Variants in SOCS1 observed in about 807,000 individuals in gnomAD.
The protein encoded by SOCS1 is JAK binding protein.
A neutral mutation model predicts 9.7 loss-of-function variants in SOCS1; 3 were observed. That is an observed-to-expected ratio of 0.31 (90% CI 0.14 to 0.80). The LOEUF is 0.80. SOCS1 is among the 30% of genes least tolerant of loss of function. The pLI, the probability that SOCS1 is intolerant of heterozygous loss-of-function variation, is 0.61. For missense variants in SOCS1, 368 were observed against 324.7 expected (o/e 1.13, Z -1.02); for synonymous variants, 194 against 150.2 (o/e 1.29, Z -2.13).
At chr16:11,255,678 A>G (rs2069592048) in intron 1 of SOCS1, 150 bp from the exon 2 acceptor site, 2 of 380,980 alleles carry the variant, frequency 5.2e-6, no homozygotes, top group Non-Finnish European at 4.6e-6. Context: ...GTTCAGCCTC[A>G]GTGGACACAG....
At position 11,254,926 on chromosome 16, in the gene SOCS1, T is replaced by A. The variant is rs1597691093; in HGVS notation, c.553A>T (p.Thr185Ser). The A allele has an allele frequency of 6.7e-7, 1 of 1,484,002 alleles. No individual in the cohort carries two copies. The highest frequency in any genetic ancestry group is 1.8e-4 in the Middle Eastern group (1 of 5,548). The allele number at this position is 1,484,002 out of a possible 1,614,324, so 91.9% of individuals were successfully genotyped here. Residue 185 changes from threonine to serine, a missense_variant, in exon 2 of 2, where the codon ACC becomes TCC. Thr to Ser is a moderately conservative substitution (Grantham distance 58). Coordinates refer to ENST00000332029, the MANE Select transcript of SOCS1 (RefSeq NM_003745.2). ...CGAGCCAGGTTCTCGCGGCCCACGGTGGCCACGATGCGCTGGCGGCACAGC... is the reference window on the plus strand; with the variant it reads ...CGAGCCAGGTTCTCGCGGCCCACGGAGGCCACGATGCGCTGGCGGCACAGC... ...QELCRQRIVA[T>S]VGRENLARIP...
chr16:11,255,088 G>T lies in SOCS1; in HGVS notation c.391C>A (p.Gln131Lys), dbSNP rs1402258521. Reference sequence around the variant, plus strand: ...CCATCCAGGTGAAAGCGGCCGGCCTGAAAGTGCACGCGGATGCTCGTGGGT... The same window carrying T: ...CCATCCAGGTGAAAGCGGCCGGCCTTAAAGTGCACGCGGATGCTCGTGGGT... ...SGPTSIRVHF[Q>K]AGRFHLDGSR... The change falls in exon 2 of 2, where the codon CAG becomes AAG. Residue 131 changes from glutamine to lysine, a missense_variant. Transcript: ENST00000332029. 3.1e-6 allele frequency: 5 copies of T among 1,610,308 alleles called. No homozygotes were observed. The highest frequency in any genetic ancestry group is 4.2e-6 in the Non-Finnish European group (5 of 1,178,974).
rs958461470 is a variant in SOCS1, at chr16:11,254,686, G to A, written c.*157C>T. 4 of 1,082,404 alleles carry A rather than the reference G, an allele frequency of 3.7e-6. No individual in the cohort carries two copies. Among genetic ancestry groups the A allele is most frequent in the Admixed American group, 8.4e-5 (2 of 23,878 alleles). The allele number at this position is 1,082,404 out of a possible 1,614,324, so 67.0% of individuals were successfully genotyped here. On this transcript the variant is annotated 3_prime_UTR_variant, in exon 2 of 2. Transcript: ENST00000332029. The stretch of plus-strand genomic sequence containing the variant: ...CCTCAAGAGGTGAGAAGGGGTCTGC[G>A]GCCTCGTCTCCAGCCGAGGGCGGGA...
Position 11,254,514 on chromosome 16 carries a change from C to T in SOCS1, c.*329G>A. ...GCAGAAAAATAAAGCCAGAGACCCT[C>T]CCCCAACCCCTGGTTTGTGCAAAGA... On this transcript the variant is annotated 3_prime_UTR_variant, in exon 2 of 2. Transcript: ENST00000332029. 3.4e-6 allele frequency: 1 copy of T among 290,786 alleles called. No individual in the cohort carries two copies. The highest frequency in any genetic ancestry group is 6.4e-6 in the Non-Finnish European group (1 of 156,778). The allele number at this position is 290,786 out of a possible 1,614,324, so 18.0% of individuals were successfully genotyped here.
rs755668210 is a variant in SOCS1, at chr16:11,255,264, G to A, written c.215C>T (p.Ala72Val). 4.5e-6 allele frequency: 7 copies of A among 1,543,802 alleles called. No homozygotes were observed. In the South Asian group the frequency reaches 5.9e-5, roughly 13 times the overall value. ...GTAGAATCCGCAGGCGTCCAGGAGC[G>A]CGCTGGCGCGCGTGATGCGCCGGTA... is the stretch of plus-strand genomic sequence containing the variant. ...ADYRRITRAS[A>V]LLDACGFYWG... Residue 72 changes from alanine (A) to valine (V), a missense_variant, in exon 2 of 2, where the codon GCG becomes GTG. Transcript: ENST00000332029.
Position 11,255,394 on chromosome 16 carries a change from A to C in SOCS1, c.85T>G (p.Ser29Ala). The C allele has an allele frequency of 7.5e-6, 10 of 1,336,788 alleles. No individual in the cohort carries two copies. The highest frequency in any genetic ancestry group is 8.6e-6 in the Non-Finnish European group (9 of 1,050,476). The allele number at this position is 1,336,788 out of a possible 1,614,324, so 82.8% of individuals were successfully genotyped here. A position where few individuals can be genotyped will look rare whatever the true frequency, so the allele number is the denominator to read the frequency against. Residue 29 changes from serine (S) to alanine (A), a missense_variant, in exon 2 of 2, where the codon TCC becomes GCC. Physicochemically the swap from Ser to Ala is moderately conservative, Grantham distance 99. Coordinates refer to ENST00000332029, the MANE Select transcript of SOCS1 (RefSeq NM_003745.2). ...PRRRPEPSSS[S>A]SSSPAAPARP... ...GCGGGGGCCGCGGGCGAGGAGGAGGAAGAGGAGGAAGGTTCTGGCCGCCGT... is the reference window on the plus strand; with the variant it reads ...GCGGGGGCCGCGGGCGAGGAGGAGGCAGAGGAGGAAGGTTCTGGCCGCCGT...
chr16:11,254,715 G>A lies in SOCS1; in HGVS notation c.*128C>T. 7.8e-7 allele frequency: 1 copy of A among 1,277,718 alleles called. No individual in the cohort carries two copies. The highest frequency in any genetic ancestry group is 1.0e-6 in the Non-Finnish European group (1 of 999,168). The allele number at this position is 1,277,718 out of a possible 1,614,324, so 79.1% of individuals were successfully genotyped here. ...TCGTCTCCAGCCGAGGGCGGGAGGC[G>A]CCTCGCCCCTACACCCATCCGCTCC... On this transcript the variant is annotated 3_prime_UTR_variant, in exon 2 of 2. Transcript: ENST00000332029.
chr16:11,255,010 C>A lies in SOCS1; in HGVS notation c.469G>T (p.Ala157Ser), dbSNP rs755312920. 1.3e-6 allele frequency: 2 copies of A among 1,581,396 alleles called. No homozygotes were observed. Among genetic ancestry groups the A allele is most frequent in the Non-Finnish European group, 1.7e-6 (2 of 1,167,266 alleles). Residue 157 changes from alanine to serine, a missense_variant, in exon 2 of 2, where the codon GCG (alanine) becomes TCG (serine). Coordinates refer to ENST00000332029, the MANE Select transcript of SOCS1 (RefSeq NM_003745.2). Reference protein sequence around the residue: ...LFELLEHYVAAPRRMLGAPLR... With the variant: ...LFELLEHYVASPRRMLGAPLR... ...GGGGCCCCCAGCATGCGGCGCGGCGCCGCCACGTAGTGCTCCAGCAGCTCG... is the reference window on the plus strand; with the variant it reads ...GGGGCCCCCAGCATGCGGCGCGGCGACGCCACGTAGTGCTCCAGCAGCTCG...
At position 11,255,439 on chromosome 16, in the gene SOCS1, A is replaced by G. The variant is rs778594186; in HGVS notation, c.40T>C (p.Ser14Pro). The change falls in exon 2 of 2, where the codon TCC (serine) becomes CCC (proline). Residue 14 changes from serine to proline, a missense_variant. Ser to Pro is a moderately conservative substitution (Grantham distance 74, BLOSUM62 -1). Coordinates refer to ENST00000332029, the MANE Select transcript of SOCS1 (RefSeq NM_003745.2). ...HNQVAADNAV[S>P]TAAEPRRRPE... ...CGCCGTCGGGGCTCTGCTGCTGTGG[A>G]GACTGCATTGTCGGCTGCCACCTGG... is the stretch of plus-strand genomic sequence containing the variant. 1 of 1,313,912 alleles carries G rather than the reference A, an allele frequency of 7.6e-7. No individual in the cohort carries two copies. The highest frequency in any genetic ancestry group is 9.7e-7 in the Non-Finnish European group (1 of 1,035,604). 81.4% of individuals were successfully genotyped at this position (1,313,912 alleles called of 1,614,324 possible).
Position 11,254,871 on chromosome 16 carries a change from T to G in SOCS1, c.608A>C (p.Tyr203Ser). 6.7e-7 allele frequency: 1 copy of G among 1,490,836 alleles called. No individual in the cohort carries two copies. Among genetic ancestry groups the G allele is most frequent in the Non-Finnish European group, 8.9e-7 (1 of 1,129,898 alleles). 92.4% of individuals were successfully genotyped at this position (1,490,836 alleles called of 1,614,324 possible). Reference sequence around the variant, plus strand: ...AATCTGGAAGGGGAAGGAGCTCAGGTAGTCGCGGAGGACGGGGTTGAGGGG... The same window carrying G: ...AATCTGGAAGGGGAAGGAGCTCAGGGAGTCGCGGAGGACGGGGTTGAGGGG... ...RIPLNPVLRD[Y>S]LSSFPFQI Residue 203 changes from tyrosine to serine, a missense_variant, in exon 2 of 2, where the codon TAC (tyrosine) becomes TCC (serine). Physicochemically the swap from Tyr to Ser is moderately radical, Grantham distance 144. Transcript: ENST00000332029.
chr16:11,255,392 G>A lies in SOCS1; in HGVS notation c.87C>T (p.Ser29=), dbSNP rs2141125389. ...GCGCGGGGGCCGCGGGCGAGGAGGAGGAAGAGGAGGAAGGTTCTGGCCGCC... is the reference window on the plus strand; with the variant it reads ...GCGCGGGGGCCGCGGGCGAGGAGGAAGAAGAGGAGGAAGGTTCTGGCCGCC... The part of the protein sequence containing the change: ...PRRRPEPSSS[S]SSSPAAPARP... The change falls in exon 2 of 2, where the codon TCC becomes TCT. Residue 29 remains serine (S), a synonymous_variant. Coordinates refer to ENST00000332029, the MANE Select transcript of SOCS1 (RefSeq NM_003745.2). 7.5e-7 allele frequency: 1 copy of A among 1,337,564 alleles called. No individual in the cohort carries two copies. The highest frequency in any genetic ancestry group is 9.5e-7 in the Non-Finnish European group (1 of 1,050,842). 82.9% of individuals were successfully genotyped at this position (1,337,564 alleles called of 1,614,324 possible).
chr16:11,254,861 G>A lies in SOCS1; in HGVS notation c.618C>T (p.Ser206=), dbSNP rs748006092. ...LNPVLRDYLS[S]FPFQI is the part of the protein sequence containing the mutation. ...CTGCCGGTCAAATCTGGAAGGGGAAGGAGCTCAGGTAGTCGCGGAGGACGG... is the reference window on the plus strand; with the variant it reads ...CTGCCGGTCAAATCTGGAAGGGGAAAGAGCTCAGGTAGTCGCGGAGGACGG... The change falls in exon 2 of 2, where the codon TCC becomes TCT. Residue 206 remains serine, a synonymous_variant. Coordinates refer to ENST00000332029, the MANE Select transcript of SOCS1 (RefSeq NM_003745.2). The A allele has an allele frequency of 2.0e-6, 3 of 1,486,938 alleles. No individual in the cohort carries two copies. Among genetic ancestry groups the A allele is most frequent in the East Asian group, 2.6e-5 (1 of 37,876 alleles). The allele number at this position is 1,486,938 out of a possible 1,614,324, so 92.1% of individuals were successfully genotyped here.
chr16:11,255,050 G>T lies in SOCS1; in HGVS notation c.429C>A (p.Ser143Arg). The change falls in exon 2 of 2, where the codon AGC becomes AGA. Residue 143 changes from serine to arginine, a missense_variant. Transcript: ENST00000332029. ...CCAGCAGCTCGAAGAGGCAGTCGAAGCTCTCGCGGCTGCCATCCAGGTGAA... is the reference window on the plus strand; with the variant it reads ...CCAGCAGCTCGAAGAGGCAGTCGAATCTCTCGCGGCTGCCATCCAGGTGAA... ...GRFHLDGSRE[S>R]FDCLFELLEH... 1 of 1,607,864 alleles carries T rather than the reference G, an allele frequency of 6.2e-7. No individual in the cohort carries two copies. The highest frequency in any genetic ancestry group is 8.5e-7 in the Non-Finnish European group (1 of 1,178,004).
Position 11,255,357 on chromosome 16 carries a change from G to C in SOCS1, c.122C>G (p.Pro41Arg). 1 of 1,351,362 alleles carries C rather than the reference G, an allele frequency of 7.4e-7. No individual in the cohort carries two copies. The highest frequency in any genetic ancestry group is 9.4e-7 in the Non-Finnish European group (1 of 1,058,490). The allele number at this position is 1,351,362 out of a possible 1,614,324, so 83.7% of individuals were successfully genotyped here. Reference sequence around the variant, plus strand: ...GGCCGGGGCCGGGACCGCGGGGCACGGCCGCGGGCGCGCGGGGGCCGCGGG... The same window carrying C: ...GGCCGGGGCCGGGACCGCGGGGCACCGCCGCGGGCGCGCGGGGGCCGCGGG... Reference protein sequence around the residue: ...SSPAAPARPRPCPAVPAPAPG... With the variant: ...SSPAAPARPRRCPAVPAPAPG... Residue 41 changes from proline (P) to arginine (R), a missense_variant, in exon 2 of 2, where the codon CCG (proline) becomes CGG (arginine). Pro to Arg is a moderately radical substitution (Grantham distance 103). Transcript: ENST00000332029.
In SOCS1 at chr16:11,254,761, G is replaced by A. The variant is rs1487884183; in HGVS notation, c.*82C>T. 6.5e-6 allele frequency: 9 copies of A among 1,389,688 alleles called. No individual in the cohort carries two copies. In the African/African-American group the frequency reaches 7.6e-5, roughly 12 times the overall value. The allele number at this position is 1,389,688 out of a possible 1,614,324, so 86.1% of individuals were successfully genotyped here. The stretch of plus-strand genomic sequence containing the variant: ...GCTCCCTCCAACCCAGGCCGGGGAG[G>A]GTACCCACATGGTTCCAGGCAAGTA... On this transcript the variant is annotated 3_prime_UTR_variant, in exon 2 of 2. Transcript: ENST00000332029.
rs977299722 is a variant in SOCS1, at chr16:11,254,703, A to C, written c.*140T>G. ...GGGTCTGCGGCCTCGTCTCCAGCCG[A>C]GGGCGGGAGGCGCCTCGCCCCTACA... On this transcript the variant is annotated 3_prime_UTR_variant, in exon 2 of 2. Coordinates refer to ENST00000332029, the MANE Select transcript of SOCS1 (RefSeq NM_003745.2). The C allele has an allele frequency of 6.2e-5, 76 of 1,217,352 alleles. No individual in the cohort carries two copies. Among genetic ancestry groups the C allele is most frequent in the Non-Finnish European group, 7.6e-5 (72 of 946,494 alleles). 75.4% of individuals were successfully genotyped at this position (1,217,352 alleles called of 1,614,324 possible).
At position 11,255,385 on chromosome 16, in the gene SOCS1, A is replaced by C; in HGVS notation, c.94T>G (p.Ser32Ala). The C allele has an allele frequency of 7.5e-7, 1 of 1,336,356 alleles. No homozygotes were observed. The highest frequency in any genetic ancestry group is 9.5e-7 in the Non-Finnish European group (1 of 1,050,096). The allele number at this position is 1,336,356 out of a possible 1,614,324, so 82.8% of individuals were successfully genotyped here. The stretch of plus-strand genomic sequence containing the variant: ...CGCGGGCGCGCGGGGGCCGCGGGCG[A>C]GGAGGAGGAAGAGGAGGAAGGTTCT... ...RPEPSSSSSS[S>A]PAAPARPRPC... Residue 32 changes from serine (S) to alanine (A), a missense_variant, in exon 2 of 2, where the codon TCG becomes GCG. Physicochemically the swap from Ser to Ala is moderately conservative, Grantham distance 99. Coordinates refer to ENST00000332029, the MANE Select transcript of SOCS1 (RefSeq NM_003745.2).
Position 11,255,257 on chromosome 16 carries a change from C to T in SOCS1, c.222G>A (p.Leu74=), listed in dbSNP as rs1427916841. The change falls in exon 2 of 2, where the codon CTG becomes CTA. Residue 74 remains leucine, a synonymous_variant. Transcript: ENST00000332029. The part of the protein sequence containing the change: ...YRRITRASAL[L]DACGFYWGPL... ...GCCCCCAGTAGAATCCGCAGGCGTC[C>T]AGGAGCGCGCTGGCGCGCGTGATGC... The T allele has an allele frequency of 3.2e-6, 5 of 1,550,810 alleles. No individual in the cohort carries two copies. The highest frequency in any genetic ancestry group is 1.4e-5 in the African/African-American group (1 of 71,610).
Position 11,255,335 on chromosome 16 carries a change from C to G in SOCS1, c.144G>C (p.Pro48=). The G allele has an allele frequency of 6.9e-7, 1 of 1,456,142 alleles. No individual in the cohort carries two copies. The highest frequency in any genetic ancestry group is 1.5e-5 in the African/African-American group (1 of 67,444). 90.2% of individuals were successfully genotyped at this position (1,456,142 alleles called of 1,614,324 possible). The change falls in exon 2 of 2, where the codon CCG becomes CCC. Residue 48 remains proline (P), a synonymous_variant. Transcript: ENST00000332029. ...RPRPCPAVPA[P]APGDTHFRTF... ...TGCGGAAGTGCGTGTCGCCGGGGGC[C>G]GGGGCCGGGACCGCGGGGCACGGCC...
Sources: allele counts gnomAD v4.1 joint callset, GRCh38; gene constraint gnomAD v4.1.1; transcripts MANE v1.5; gene names NCBI Gene and HGNC (gene_info 2026-07-23, HGNC 2026-07-21).